Variants in PIWIL1 observed in about 807,000 individuals in gnomAD.
PIWIL1 encodes the protein piwi-like protein 1.
In PIWIL1, 73 loss-of-function variants were observed where a neutral mutation model predicts 114.4. The observed-to-expected ratio is 0.64, with a 90% CI of 0.53 to 0.78. PIWIL1 has a LOEUF of 0.78. Ranked by LOEUF, PIWIL1 falls within the 30% of genes least tolerant of loss-of-function variation. PIWIL1 has a pLI of 0.00. For missense variants in PIWIL1, 723 were observed against 1,063.1 expected (o/e 0.68, Z 4.45); for synonymous variants, 375 against 369.0 (o/e 1.02, Z -0.19).
At chr12:130,414,126 T>G in the PIWIL1 span, 7 of 1,614,126 alleles carry the variant, frequency 4.3e-6, no homozygotes, top group South Asian at 7.7e-5. Flanking sequence ...ATCCCGCACC[T>G]TGATGATCTG....
the PIWIL1 span, chr12:130,399,573 T>C: frequency 7.4e-7 from 1 of 1,345,344 alleles, no homozygotes; most frequent in African/African-American, 1.5e-5. Context: ...TCAGGGTGTA[T>C]TTACGCTTTT....
the PIWIL1 span, among the ~76,000 whole-genome samples, chr12:130,389,494 T>G: frequency 6.6e-6 from 1 of 152,156 alleles, no homozygotes; most frequent in Non-Finnish European, 1.5e-5. Flanking sequence ...TTCAATTTTT[T>G]ATTAATCAGT....
At chr12:130,350,297 C>T (rs1294877584) in intron 9 of PIWIL1, among the ~76,000 whole-genome samples, 10 of 152,194 alleles carry the variant, frequency 6.6e-5, no homozygotes, top group Admixed American at 5.9e-4. Context: ...CTGTCTCTCC[C>T]TCCATAATCA....
downstream of PIWIL1, among the ~76,000 whole-genome samples, chr12:130,376,448 A>G (rs901759650): frequency 1.3e-5 from 2 of 152,220 alleles, no homozygotes; most frequent in African/African-American, 4.8e-5. Context: ...TTGATTTCGC[A>G]GAACTCCAAA....
At chr12:130,359,406 C>T (rs2073451267) in intron 14 of PIWIL1, among the ~76,000 whole-genome samples, 1 of 152,098 alleles carries the variant, frequency 6.6e-6, no homozygotes, top group African/African-American at 2.4e-5. Flanking sequence ...AGACCATGAC[C>T]CCTGAAGAGC....
At chr12:130,392,215 C>T in the PIWIL1 span, among the ~76,000 whole-genome samples, 1,381 of 10,844 alleles carry the variant, frequency 0.13, 80 homozygotes, top group Middle Eastern at 0.3. Context: ...ATCAGTTACC[C>T]AGTGAATATT....
chr12:130,367,169 G>A lies in PIWIL1; in HGVS notation c.2232G>A (p.Val744=), dbSNP rs761415496. The change falls in exon 19 of 21, where the codon GTG becomes GTA. Residue 744 remains valine (V), a synonymous_variant. Coordinates refer to ENST00000245255, the MANE Select transcript of PIWIL1 (RefSeq NM_004764.5). ...CGGTAATTGTGGTGAAGAAAAGAGT[G>A]AACACCAGATTTTTTGCTCAGTCTG... ...RLTVIVVKKR[V]NTRFFAQSGG... 12 of 1,613,944 alleles carry A rather than the reference G, an allele frequency of 7.4e-6. No homozygotes were observed. Among genetic ancestry groups the A allele is most frequent in the Non-Finnish European group, 1.0e-5 (12 of 1,179,962 alleles).
the PIWIL1 span, among the ~76,000 whole-genome samples, chr12:130,381,129 G>A: frequency 1.3e-5 from 2 of 152,112 alleles, no homozygotes; most frequent in Admixed American, 6.5e-5. Context: ...CAAGTCCACA[G>A]TTCACATGAG....
chr12:130,351,163 A>C (rs2073198951), intron 9 of PIWIL1: 1 of 152,204 alleles, frequency 6.6e-6, no homozygotes, highest in Admixed American at 6.5e-5. Flanking sequence ...GGATGGTAGA[A>C]GTTGGTATAT....
chr12:130,371,091 AGTGGTACAG>A, intron 19 of PIWIL1, 76 bp from the exon 20 acceptor site: 2 of 1,096,036 alleles, frequency 1.8e-6, no homozygotes, highest in Non-Finnish European at 2.8e-6. Context: ...TACAGTGAAG[AGTGGTACAG>A]AGCTTTTCAC....
intron 4 of PIWIL1, 148 bp downstream of exon 4, chr12:130,346,026 G>A: frequency 1.4e-6 from 1 of 722,728 alleles, no homozygotes. Flanking sequence ...TGATGAAGTA[G>A]GTTATAGATA....
chr12:130,422,619 T>G, the PIWIL1 span: 1 of 1,241,270 alleles, frequency 8.1e-7, no homozygotes, highest in Non-Finnish European at 1.1e-6. This position sits in a 1 kb window ranked among gnomAD's most constrained non-coding sequence, Gnocchi z 5.2. Context: ...ACTGAAGAAT[T>G]CAGTTAGCCA....
downstream of PIWIL1, among the ~76,000 whole-genome samples, chr12:130,376,391 G>A (rs372954647): frequency 2.2e-4 from 34 of 152,310 alleles, no homozygotes; most frequent in African/African-American, 3.6e-4. Flanking sequence ...CTGAGGGCGC[G>A]TTAGAGTGCA....
the PIWIL1 span, among the ~76,000 whole-genome samples, chr12:130,401,757 C>A: frequency 6.6e-6 from 1 of 152,068 alleles, no homozygotes; most frequent in Admixed American, 6.5e-5. Context: ...AAAGTTATAA[C>A]CAGTCAAGTC....
the PIWIL1 span, among the ~76,000 whole-genome samples, chr12:130,403,175 TAA>T: frequency 7.2e-5 from 11 of 152,202 alleles, no homozygotes; most frequent in Non-Finnish European, 1.5e-4. Flanking sequence ...CCAAGAAATT[TAA>T]GATTTTTGGT....
rs935912121 is a variant in PIWIL1, at chr12:130,340,300, T to G, written c.-13+2154T>G. On this transcript the variant is annotated intron_variant, in intron 1 of 20. Transcript: ENST00000245255. ...GGAGTCTCAAGCGGATGCTTTCAGA[T>G]TGATTTGTAGATCAGCAGTCCCCAG... 5.3e-5 allele frequency among the ~76,000 whole-genome samples: 8 copies of G among 152,042 alleles called. No individual in the cohort carries two copies. In the South Asian group the frequency reaches 6.2e-4, roughly 12 times the overall value.
At chr12:130,351,551 C>T (rs1195590419) in intron 9 of PIWIL1, 2 of 152,202 alleles carry the variant, frequency 1.3e-5, no homozygotes, top group Admixed American at 6.5e-5. Flanking sequence ...ACGGCCCCTA[C>T]TCGGTGCTCT....
intron 1 of PIWIL1, chr12:130,339,765 T>G (rs1002032616): frequency 6.6e-6 from 1 of 152,148 alleles, no homozygotes; most frequent in South Asian, 2.1e-4. Flanking sequence ...GAGAATCAGC[T>G]GGAGGGCTGC....
chr12:130,424,961 A>G, the PIWIL1 span: 4 of 613,568 alleles, frequency 6.5e-6, no homozygotes, highest in Non-Finnish European at 9.4e-6. This position sits in a 1 kb window ranked among gnomAD's most constrained non-coding sequence, Gnocchi z 9.8. Context: ...TTAGTCCTGG[A>G]GGCACCGAGG....
Sources: allele counts gnomAD v4.1 joint callset (sites outside exome capture counted in the v4.1 genomes callset), GRCh38; gene constraint gnomAD v4.1.1; non-coding constraint Gnocchi (gnomAD v3.1); transcripts MANE v1.5; gene names NCBI Gene and HGNC (gene_info 2026-07-23, HGNC 2026-07-21).